The following ARHGAP15 variants were observed in gnomAD, a reference collection of about 807,000 sequenced individuals.
The protein encoded by ARHGAP15 is Rho GTPase activating protein 15.
In ARHGAP15, 51 loss-of-function variants were observed where a neutral mutation model predicts 63.7. The ratio of observed to expected loss-of-function variants is 0.80; its 90% confidence interval spans 0.64 to 1.01. The LOEUF (loss-of-function observed/expected upper bound fraction) is 1.01, where lower values mean the gene tolerates loss of function less well. Among genes scored for constraint, ARHGAP15 ranks in the 50% least tolerant of loss-of-function variants. ARHGAP15 has a pLI of 0.00. For missense variants in ARHGAP15, 560 were observed against 564.6 expected (o/e 0.99, Z 0.08); for synonymous variants, 191 against 193.8 (o/e 0.99, Z 0.12).
intron 8 of ARHGAP15, among the ~76,000 whole-genome samples, chr2:143,458,897 G>A (rs1023302325): frequency 6.6e-6 from 1 of 152,114 alleles, no homozygotes; most frequent in East Asian, 1.9e-4. Context: ...ATAATGCTTA[G>A]GGTCACCTGA....
At chr2:143,430,415 G>A (rs997306536) in intron 6 of ARHGAP15, among the ~76,000 whole-genome samples, 6 of 151,994 alleles carry the variant, frequency 3.9e-5, no homozygotes. Flanking sequence ...CAGACATTCA[G>A]CCTGATAGTG....
chr2:143,764,038 T>A (rs1035624086), intron 13 of ARHGAP15, among the ~76,000 whole-genome samples: 3 of 151,998 alleles, frequency 2.0e-5, no homozygotes, highest in Non-Finnish European at 2.9e-5. Flanking sequence ...TGTTATTTTT[T>A]AAATTTATTT....
At chr2:143,679,082 A>T (rs1682966814) in intron 12 of ARHGAP15, among the ~76,000 whole-genome samples, 1 of 152,196 alleles carries the variant, frequency 6.6e-6, no homozygotes, top group African/African-American at 2.4e-5. Flanking sequence ...TGATTAGAAA[A>T]GTCAATCATA....
chr2:143,466,104 G>A (rs1691195777), intron 8 of ARHGAP15, among the ~76,000 whole-genome samples: 1 of 151,870 alleles, frequency 6.6e-6, no homozygotes, highest in Admixed American at 6.6e-5. Flanking sequence ...TTGGCATGCA[G>A]GGTGAGCTCG....
intron 6 of ARHGAP15, among the ~76,000 whole-genome samples, chr2:143,349,854 T>A (rs763757277): frequency 6.6e-6 from 1 of 152,194 alleles, no homozygotes; most frequent in East Asian, 1.9e-4. Context: ...ATAATATATT[T>A]ATGCTACCTT....
chr2:143,371,753 AT>A (rs1469405819), intron 6 of ARHGAP15, among the ~76,000 whole-genome samples: 1 of 152,138 alleles, frequency 6.6e-6, no homozygotes, highest in African/African-American at 2.4e-5. Flanking sequence ...GTAAATTCTG[AT>A]GGCCCACTCT....
intron 6 of ARHGAP15, among the ~76,000 whole-genome samples, chr2:143,370,986 G>C (rs11676611): frequency 0.083 from 12,656 of 152,186 alleles, 727 homozygotes; most frequent in Non-Finnish European, 0.13. Context: ...CAAAATAGTT[G>C]TACAATGTGC....
At chr2:143,245,392 TG>T (rs1392534921) in intron 5 of ARHGAP15, among the ~76,000 whole-genome samples, 7 of 152,152 alleles carry the variant, frequency 4.6e-5, no homozygotes, top group Non-Finnish European at 7.4e-5. Context: ...CAGATGCAGA[TG>T]GGGAACAAGG....
chr2:143,526,097 C>G (rs1694260787), intron 10 of ARHGAP15, among the ~76,000 whole-genome samples: 1 of 152,140 alleles, frequency 6.6e-6, no homozygotes, highest in African/African-American at 2.4e-5. Flanking sequence ...TGTTCACAAA[C>G]TCTGTATACG....
At chr2:143,425,267 T>C (rs1234390200) in intron 6 of ARHGAP15, among the ~76,000 whole-genome samples, 1 of 152,104 alleles carries the variant, frequency 6.6e-6, no homozygotes, top group East Asian at 1.9e-4. Context: ...TGTCATTGTC[T>C]ATTATAGAGT....
chr2:143,516,176 G>A (rs1336996731), intron 9 of ARHGAP15, among the ~76,000 whole-genome samples: 8 of 152,220 alleles, frequency 5.3e-5, no homozygotes, highest in Non-Finnish European at 2.9e-5. Flanking sequence ...ACTGGGCAAA[G>A]ATTTAGAAAA....
At chr2:143,373,183 C>T (rs1051484955) in intron 6 of ARHGAP15, among the ~76,000 whole-genome samples, 2 of 152,108 alleles carry the variant, frequency 1.3e-5, no homozygotes, top group African/African-American at 4.8e-5. Context: ...TAGTCAGGTA[C>T]TGTTATTCCC....
At chr2:143,515,986 T>C (rs1037943983) in intron 9 of ARHGAP15, among the ~76,000 whole-genome samples, 1 of 152,164 alleles carries the variant, frequency 6.6e-6, no homozygotes, top group South Asian at 2.1e-4. Flanking sequence ...GAAAATGCTC[T>C]TTGTTCCCTC....
At chr2:143,508,574 G>A (rs12615106) in intron 9 of ARHGAP15, among the ~76,000 whole-genome samples, 1 of 152,124 alleles carries the variant, frequency 6.6e-6, no homozygotes, top group Non-Finnish European at 1.5e-5. Context: ...TTTACTTGGT[G>A]AAACCCTTCT....
chr2:143,263,483 G>T (rs933351462), intron 6 of ARHGAP15, among the ~76,000 whole-genome samples: 1 of 152,110 alleles, frequency 6.6e-6, no homozygotes, highest in African/African-American at 2.4e-5. Context: ...TAGCCTTGGG[G>T]AGAAAAAGCC....
intron 9 of ARHGAP15, among the ~76,000 whole-genome samples, chr2:143,490,034 C>G (rs1257512657): frequency 6.6e-6 from 1 of 152,192 alleles, no homozygotes; most frequent in Non-Finnish European, 1.5e-5. Flanking sequence ...GAGTCTCGCT[C>G]TGTCGCCCAG....
At chr2:143,334,092 G>A (rs1447345822) in intron 6 of ARHGAP15, among the ~76,000 whole-genome samples, 4 of 152,158 alleles carry the variant, frequency 2.6e-5, no homozygotes, top group Non-Finnish European at 5.9e-5. Context: ...TACTTATCAA[G>A]CAGGATCCTA....
chr2:143,372,011 G>GAAAT (rs10530096), intron 6 of ARHGAP15, among the ~76,000 whole-genome samples: 3,879 of 147,972 alleles, frequency 0.026, 66 homozygotes, highest in South Asian at 0.036. Context: ...CGAGCCTATG[G>GAAAT]AAATAAATAA....
At chr2:143,426,423 G>A (rs866718696) in intron 6 of ARHGAP15, among the ~76,000 whole-genome samples, 3 of 152,132 alleles carry the variant, frequency 2.0e-5, no homozygotes, top group African/African-American at 7.2e-5. Flanking sequence ...GAAGTTGTGA[G>A]TAATGAATAA....
Sources: allele counts gnomAD v4.1 joint callset (sites outside exome capture counted in the v4.1 genomes callset), GRCh38; gene constraint gnomAD v4.1.1; transcripts MANE v1.5; gene names NCBI Gene and HGNC (gene_info 2026-07-23, HGNC 2026-07-21).